The following UGCG variants were observed in gnomAD, a reference collection of about 807,000 sequenced individuals.
The protein encoded by UGCG is UDP-glucose ceramide glucosyltransferase.
In UGCG, 10 loss-of-function variants were observed where a neutral mutation model predicts 49.5. The observed-to-expected ratio is 0.20, with a 90% CI of 0.12 to 0.34. The LOEUF (loss-of-function observed/expected upper bound fraction) is 0.34. UGCG is among the 10% of genes least tolerant of loss of function. The pLI is 1.00. For missense variants in UGCG, 312 were observed against 483.7 expected (o/e 0.65, Z 3.33); for synonymous variants, 182 against 158.2 (o/e 1.15, Z -1.13).
intron 2 of UGCG, among the ~76,000 whole-genome samples, chr9:111,916,951 C>G (rs975071171): frequency 6.6e-6 from 1 of 151,254 alleles, no homozygotes; most frequent in African/African-American, 2.4e-5. Flanking sequence ...TCAAGACCAG[C>G]CTGGGCAACA....
At position 111,914,654 on chromosome 9, in the gene UGCG, C is replaced by T. The variant is rs1838079392; in HGVS notation, c.148C>T (p.Leu50Phe). 2 of 1,614,146 alleles carry T rather than the reference C, an allele frequency of 1.2e-6. No individual in the cohort carries two copies. The highest frequency in any genetic ancestry group is 1.3e-5 in the African/African-American group (1 of 75,058). ...AACTGACAAACAGCCTTATAGCAAG[C>T]TCCCAGGTGTCTCTCTTCTGAAACC... is the stretch of plus-strand genomic sequence containing the variant. ...KATDKQPYSK[L>F]PGVSLLKPLK... The change falls in exon 2 of 9, where the codon CTC becomes TTC. Residue 50 changes from leucine (L) to phenylalanine (F), a missense_variant. Physicochemically the swap from Leu to Phe is conservative, Grantham distance 22. Transcript: ENST00000374279.
intron 1 of UGCG, among the ~76,000 whole-genome samples, chr9:111,909,292 G>A (rs955273450): frequency 6.6e-6 from 1 of 151,328 alleles, no homozygotes; most frequent in Admixed American, 6.6e-5. Context: ...AAATGTTTTT[G>A]AAAAAAAATC....
chr9:111,897,365 A>G, intron 1 of UGCG, 52 bp downstream of exon 1: 1 of 1,442,214 alleles, frequency 6.9e-7, no homozygotes. Flanking sequence ...GGCCTCGGAG[A>G]CAGGCGAGAA....
chr9:111,935,206 A>T lies in UGCG; in HGVS notation c.*2209A>T, dbSNP rs562108816. ...CTTGGAGTGATGATAAAATGGTAAG[A>T]AATAATATAAATGTTGAAGAAAGCA... On this transcript the variant is annotated 3_prime_UTR_variant, in exon 9 of 9. Transcript: ENST00000374279. 1 of 152,346 alleles carries T rather than the reference A, an allele frequency of 6.6e-6. No homozygotes were observed. The highest frequency in any genetic ancestry group is 1.9e-4 in the East Asian group (1 of 5,194). The allele number at this position is 152,346 out of a possible 1,614,324, so 9.4% of individuals were successfully genotyped here.
intron 7 of UGCG, 42 bp from the exon 8 acceptor site, chr9:111,932,128 G>A (rs779412877): frequency 8.3e-6 from 13 of 1,573,808 alleles, no homozygotes; most frequent in South Asian, 2.3e-5. Context: ...TTGTCTTGTA[G>A]CCAGGATATT....
Position 111,928,827 on chromosome 9 carries a change from CT to C in UGCG, c.559-669del, listed in dbSNP as rs1838370673. On this transcript the variant is annotated intron_variant, in intron 5 of 8. Coordinates refer to ENST00000374279, the MANE Select transcript of UGCG (RefSeq NM_003358.3). Reference sequence around the variant, plus strand: ...TCTACTAAGTAGGGTAATAACAGTCCTTTTCTACCATTGATTTATCAGCGTA... The same window carrying C: ...TCTACTAAGTAGGGTAATAACAGTCCTTTCTACCATTGATTTATCAGCGTA... 3.3e-5 allele frequency among the ~76,000 whole-genome samples: 5 copies of C among 152,014 alleles called. No individual in the cohort carries two copies. The South Asian group carries it at 1.0e-3, about 31-fold the overall frequency.
chr9:111,905,884 C>T (rs78768050), intron 1 of UGCG, among the ~76,000 whole-genome samples: 2,837 of 152,330 alleles, frequency 0.019, 37 homozygotes, highest in Non-Finnish European at 0.029. Flanking sequence ...TCTAGGCTAA[C>T]CTTACCTGCT....
intron 1 of UGCG, among the ~76,000 whole-genome samples, chr9:111,907,264 C>T (rs948126548): frequency 1.3e-5 from 2 of 152,220 alleles, no homozygotes; most frequent in African/African-American, 4.8e-5. Context: ...GAGTCCCGTA[C>T]AGACTCTACT....
At chr9:111,915,066 T>G in intron 2 of UGCG, 1 of 202,092 alleles carries the variant, frequency 4.9e-6, no homozygotes, top group Non-Finnish European at 1.0e-5. Flanking sequence ...ATATGAACAA[T>G]AGGAAGAGGA....
intron 1 of UGCG, among the ~76,000 whole-genome samples, chr9:111,897,647 A>G (rs1374237100): frequency 6.6e-6 from 1 of 151,846 alleles, no homozygotes; most frequent in African/African-American, 2.4e-5. Context: ...GCCGAGATGT[A>G]TGGTGTATTG....
rs1838301308 is a variant in UGCG, at chr9:111,925,629, T to C, written c.445+751T>C. 3.9e-5 allele frequency among the ~76,000 whole-genome samples: 6 copies of C among 152,306 alleles called. No homozygotes were observed. In the South Asian group the frequency reaches 1.2e-3, roughly 32 times the overall value. On this transcript the variant is annotated intron_variant, in intron 4 of 8. Transcript: ENST00000374279. ...TTGAGAAGCACTGACCTAGAATGAGTATTTAAGGTCCAAATACAACTTTTC... is the reference window on the plus strand; with the variant it reads ...TTGAGAAGCACTGACCTAGAATGAGCATTTAAGGTCCAAATACAACTTTTC...
chr9:111,920,904 C>T (rs1433424709), intron 2 of UGCG, among the ~76,000 whole-genome samples: 2 of 150,800 alleles, frequency 1.3e-5, no homozygotes, highest in Non-Finnish European at 3.0e-5. Context: ...ATGTTGTCGT[C>T]GTTTTGTTTT....
At chr9:111,931,492 T>C in intron 7 of UGCG, 135 bp downstream of exon 7, 1 of 713,172 alleles carries the variant, frequency 1.4e-6, no homozygotes, top group Admixed American at 3.0e-5. Flanking sequence ...GAAAATAGAG[T>C]TTAACGTCTG....
intron 1 of UGCG, among the ~76,000 whole-genome samples, chr9:111,900,945 G>T (rs929203478): frequency 5.9e-5 from 9 of 151,592 alleles, no homozygotes; most frequent in African/African-American, 2.2e-4. Context: ...TCCCAGGCTC[G>T]AGCAATTCTC....
chr9:111,901,277 T>C (rs1031235135), intron 1 of UGCG, among the ~76,000 whole-genome samples: 3 of 152,230 alleles, frequency 2.0e-5, no homozygotes, highest in Non-Finnish European at 4.4e-5. Context: ...TATTTTTAGT[T>C]AGTACGATCT....
At chr9:111,920,062 A>C (rs774330573) in intron 2 of UGCG, among the ~76,000 whole-genome samples, 1 of 152,114 alleles carries the variant, frequency 6.6e-6, no homozygotes, top group Non-Finnish European at 1.5e-5. Context: ...GGAGGGTGGT[A>C]GAAGTAGGGC....
chr9:111,913,277 G>A (rs1225034640), intron 1 of UGCG, among the ~76,000 whole-genome samples: 1 of 152,178 alleles, frequency 6.6e-6, no homozygotes, highest in African/African-American at 2.4e-5. Context: ...ACTGTCGAAT[G>A]CTTGGAGACT....
intron 1 of UGCG, among the ~76,000 whole-genome samples, chr9:111,904,906 G>A (rs936615437): frequency 3.9e-5 from 6 of 151,958 alleles, no homozygotes; most frequent in African/African-American, 9.7e-5. Flanking sequence ...GGGGAGGATC[G>A]CCTGAGGCCA....
At chr9:111,897,740 A>G (rs753366280) in intron 1 of UGCG, among the ~76,000 whole-genome samples, 7 of 151,242 alleles carry the variant, frequency 4.6e-5, no homozygotes. Flanking sequence ...AGCTATCTGG[A>G]CACCTCTCTG....
Sources: gnomAD v4.1 joint callset for allele counts (sites outside exome capture counted in the v4.1 genomes callset) on GRCh38, gnomAD v4.1.1 for gene constraint, MANE v1.5 for transcripts, NCBI Gene and HGNC (gene_info 2026-07-23, HGNC 2026-07-21) for gene names.